Variants in CCDC63 observed in about 807,000 individuals in gnomAD.
The protein encoded by CCDC63 is coiled-coil domain-containing protein 63.
A neutral mutation model predicts 63.6 loss-of-function variants in CCDC63; 54 were observed. That is an observed-to-expected ratio of 0.85 (90% confidence interval 0.68 to 1.07). CCDC63 has a LOEUF of 1.07. Among genes scored for constraint, CCDC63 ranks in the 50% least tolerant of loss-of-function variants. The pLI is 0.00. For synonymous variants in CCDC63, 253 were observed against 266.1 expected (o/e 0.95, Z 0.48); for missense variants, 637 against 689.6 (o/e 0.92, Z 0.86).
intron 8 of CCDC63, 144 bp from the exon 9 acceptor site, chr12:110,892,932 G>A: frequency 6.3e-6 from 4 of 631,414 alleles, no homozygotes; most frequent in Non-Finnish European, 8.4e-6. Flanking sequence ...AACCCCACGG[G>A]CCTAAGAGGG....
intron 7 of CCDC63, among the ~76,000 whole-genome samples, chr12:110,881,564 A>G (rs904032875): frequency 1.3e-5 from 2 of 152,176 alleles, no homozygotes; most frequent in Non-Finnish European, 2.9e-5. Context: ...TACTAAAAAT[A>G]CAAAAAAATT....
At chr12:110,853,771 A>T (rs1281621339) in intron 3 of CCDC63, among the ~76,000 whole-genome samples, 197 bp downstream of exon 3, 2 of 152,060 alleles carry the variant, frequency 1.3e-5, no homozygotes, top group Non-Finnish European at 2.9e-5. Flanking sequence ...GAAGAGGGGG[A>T]ATTTCTTGTC....
rs929401088 is a variant in CCDC63 at position 110,895,645 on chromosome 12, G to A, written c.1149+2495G>A. On this transcript the variant is annotated intron_variant, in intron 9 of 11. Transcript: ENST00000308208. ...CACTTCCTAGCTCTGTGACGTTGAG[G>A]TAGTGACTCAACCTCTCTGAGCCTC... 1.2e-4 allele frequency among the ~76,000 whole-genome samples: 19 copies of A among 152,298 alleles called. 2 individuals carry two copies. In the South Asian group the frequency reaches 3.9e-3, roughly 32 times the overall value.
At chr12:110,876,894 A>C (rs2071137862) in intron 5 of CCDC63, among the ~76,000 whole-genome samples, 1 of 151,170 alleles carries the variant, frequency 6.6e-6, no homozygotes, top group South Asian at 2.1e-4. Flanking sequence ...AAAAAAAAAA[A>C]ATAGCTGAGT....
Position 110,889,542 on chromosome 12 carries a change from C to T in CCDC63, c.1075-3534C>T, listed in dbSNP as rs1431205019. The stretch of plus-strand genomic sequence containing the variant: ...GAAACAGCAACAGCACACGCAAAGG[C>T]CCTGACGCAGCTTGCAAGCAGGCCA... On this transcript the variant is annotated intron_variant, in intron 8 of 11. Transcript: ENST00000308208. This position sits in a 1 kb window ranked among gnomAD's most constrained non-coding sequence, Gnocchi z 4.1. Among the ~76,000 whole-genome samples, 1 of 152,074 alleles carries T rather than the reference C, an allele frequency of 6.6e-6. No individual in the cohort carries two copies. The highest frequency in any genetic ancestry group is 1.5e-5 in the Non-Finnish European group (1 of 68,026).
At chr12:110,846,723 C>T (rs2070641536), upstream of CCDC63, 1 of 152,096 alleles carries the variant, frequency 6.6e-6, no homozygotes, top group South Asian at 2.1e-4. Context: ...TGGCGTTGGC[C>T]GAGGGAGGGG....
At chr12:110,893,212 G>T in intron 9 of CCDC63, 62 bp downstream of exon 9, 1 of 1,371,916 alleles carries the variant, frequency 7.3e-7, no homozygotes, top group South Asian at 1.2e-5. Context: ...TGTGTCTGAC[G>T]GGAGCTTCTG....
intron 4 of CCDC63, among the ~76,000 whole-genome samples, chr12:110,867,069 G>A (rs555881497): frequency 0.14 from 16,329 of 118,684 alleles, 1,349 homozygotes; most frequent in African/African-American, 0.18. Context: ...CAGTAGGGGC[G>A]GCCGGGCAGA....
Position 110,884,039 on chromosome 12 carries a change from C to A in CCDC63, c.863C>A (p.Ala288Glu). The change falls in exon 8 of 12, where the codon GCA (alanine) becomes GAA (glutamate). Residue 288 changes from alanine (A) to glutamate (E), a missense_variant. Coordinates refer to ENST00000308208, the MANE Select transcript of CCDC63 (RefSeq NM_152591.3). ...EQAKREEALK[A>E]KKHVKKNRGE... ...ATTTTTCCTTTCCTAGCTCTCAAGG[C>A]AAAGAAGCATGTCAAGAAGAACAGG... 1.2e-6 allele frequency: 2 copies of A among 1,613,680 alleles called. No individual in the cohort carries two copies. The highest frequency in any genetic ancestry group is 2.2e-5 in the South Asian group (2 of 91,066).
chr12:110,845,886 G>A (rs2070631334), upstream of CCDC63: 1 of 142,304 alleles, frequency 7.0e-6, no homozygotes, highest in African/African-American at 2.6e-5. Context: ...CTCCCGAGTA[G>A]CAGAGACTAC....
intron 4 of CCDC63, among the ~76,000 whole-genome samples, chr12:110,867,876 A>G (rs2070994275): frequency 6.9e-6 from 1 of 145,690 alleles, no homozygotes; most frequent in Non-Finnish European, 1.5e-5. Context: ...CCAGGTGGAG[A>G]CGCTCCTCAC....
intron 9 of CCDC63, 39 bp from the exon 10 acceptor site, chr12:110,898,894 A>T: frequency 6.7e-7 from 1 of 1,498,868 alleles, no homozygotes; most frequent in Non-Finnish European, 8.9e-7. Flanking sequence ...GCCCACTGAA[A>T]GTCCTCCTGA....
At position 110,884,228 on chromosome 12, in the gene CCDC63, A is replaced by C; in HGVS notation, c.1052A>C (p.His351Pro). Residue 351 changes from histidine to proline, a missense_variant, in exon 8 of 12, where the codon CAC becomes CCC. Transcript: ENST00000308208. ...CTCAACAACGACATGGAGATGATGC[A>C]CAAGAGGACCCAACGAATCCAGGTC... ...TELNNDMEMM[H>P]KRTQRIQDEI... The C allele has an allele frequency of 6.2e-7, 1 of 1,614,158 alleles. No homozygotes were observed.
intron 4 of CCDC63, among the ~76,000 whole-genome samples, chr12:110,859,696 A>G (rs1325675741): frequency 6.6e-6 from 1 of 152,066 alleles, no homozygotes; most frequent in Non-Finnish European, 1.5e-5. Context: ...AGAAAAAGCA[A>G]GAGAAAATAG....
At chr12:110,883,036 A>ATT (rs11350129) in intron 7 of CCDC63, among the ~76,000 whole-genome samples, 9,770 of 137,802 alleles carry the variant, frequency 0.071, 388 homozygotes, top group South Asian at 0.16. Context: ...CTAATTTTAA[A>ATT]TTTTTTTTTT....
intron 4 of CCDC63, among the ~76,000 whole-genome samples, chr12:110,861,512 A>G (rs940548844): frequency 2.0e-5 from 3 of 151,794 alleles, no homozygotes; most frequent in Admixed American, 2.0e-4. Context: ...CTCTGCCTGG[A>G]GTGCCTTTCC....
intron 9 of CCDC63, among the ~76,000 whole-genome samples, chr12:110,893,409 G>A (rs2071382081): frequency 6.6e-6 from 1 of 152,134 alleles, no homozygotes. Context: ...CCCTTTTCAG[G>A]GAGTCCAGCC....
At chr12:110,886,833 C>T (rs1249272177) in intron 8 of CCDC63, among the ~76,000 whole-genome samples, 1 of 152,164 alleles carries the variant, frequency 6.6e-6, no homozygotes, top group Non-Finnish European at 1.5e-5. Flanking sequence ...CTCTGTCCCC[C>T]TCCCGGAAGG....
intron 10 of CCDC63, among the ~76,000 whole-genome samples, chr12:110,902,889 T>C (rs2071507812): frequency 6.7e-6 from 1 of 149,994 alleles, no homozygotes; most frequent in Non-Finnish European, 1.5e-5. Flanking sequence ...GGCTAATTTT[T>C]TTTTTTTTTT....
Sources: gnomAD v4.1 joint callset for allele counts (sites outside exome capture counted in the v4.1 genomes callset) on GRCh38, gnomAD v4.1.1 for gene constraint, Gnocchi (gnomAD v3.1) non-coding constraint, MANE v1.5 for transcripts, NCBI Gene and HGNC (gene_info 2026-07-23, HGNC 2026-07-21) for gene names.